PTPRD: variants seen among roughly 807,000 people sequenced by gnomAD.
PTPRD encodes receptor-type tyrosine-protein phosphatase delta.
A neutral mutation model predicts 214.5 loss-of-function variants in PTPRD; 34 were observed. The ratio of observed to expected loss-of-function variants is 0.16; its 90% CI spans 0.12 to 0.21. PTPRD has a LOEUF of 0.21. Ranked by LOEUF, PTPRD falls within the 10% of genes least tolerant of loss-of-function variation. The pLI, the probability that PTPRD is intolerant of heterozygous loss-of-function variation, is 1.00. For synonymous variants in PTPRD, 1,128 were observed against 845.7 expected, an observed-to-expected ratio of 1.33 and a Z score of -5.79; for missense variants, 2,545 against 2,398.7, an observed-to-expected ratio of 1.06 and a Z score of -1.27.
In PTPRD at chr9:9,725,599, C is replaced by T. The variant is rs116230387; in HGVS notation, c.-287+8934G>A. Among the ~76,000 whole-genome samples the T allele has an allele frequency of 4.6e-3, 696 of 152,190 alleles. 5 individuals carry two copies. The highest frequency in any genetic ancestry group is 0.016 in the African/African-American group (674 of 41,528). ...AAGTTGGTTCTCCTTATCTCCATTC[C>T]ATTTTTGTCTCATATTCTGGTTTCT... is the stretch of plus-strand genomic sequence containing the variant. On this transcript the variant is annotated intron_variant, in intron 7 of 45. Coordinates refer to ENST00000381196, the MANE Select transcript of PTPRD (RefSeq NM_002839.4).
intron 2 of PTPRD, among the ~76,000 whole-genome samples, chr9:10,512,036 A>ACG (rs1589797175): frequency 7.0e-5 from 9 of 129,426 alleles, no homozygotes; most frequent in African/African-American, 2.5e-4. Flanking sequence ...ATATGTATAT[A>ACG]TATATATACA....
chr9:10,319,979 C>T (rs1452767972), intron 3 of PTPRD, among the ~76,000 whole-genome samples: 1 of 151,984 alleles, frequency 6.6e-6, no homozygotes, highest in Non-Finnish European at 1.5e-5. Context: ...CACCAAATGT[C>T]ATTTCTCATG....
In PTPRD at chr9:9,901,118, G is replaced by A. The variant is rs139847134; in HGVS notation, c.-368+37389C>T. Among the ~76,000 whole-genome samples the A allele has an allele frequency of 3.0e-4, 46 of 152,222 alleles. No individual in the cohort carries two copies. In the East Asian group the frequency reaches 8.3e-3, roughly 28 times the overall value. ...TACAGTCATAGTGGAGAGCAAAGCAGGTGCCTGTGTATAACACGGCGAGAC... is the reference window on the plus strand; with the variant it reads ...TACAGTCATAGTGGAGAGCAAAGCAAGTGCCTGTGTATAACACGGCGAGAC... On this transcript the variant is annotated intron_variant, in intron 5 of 45. Coordinates refer to ENST00000381196, the MANE Select transcript of PTPRD (RefSeq NM_002839.4).
rs539698077 is a variant in PTPRD at position 9,681,994 on chromosome 9, C to G, written c.-287+52539G>C. On this transcript the variant is annotated intron_variant, in intron 7 of 45. Transcript: ENST00000381196. ...TAGGAAAGACATCACCTTGAACTTTCTCATCATTACCCACTCTCTTTCTCT... is the reference window on the plus strand; with the variant it reads ...TAGGAAAGACATCACCTTGAACTTTGTCATCATTACCCACTCTCTTTCTCT... 7.1e-4 allele frequency among the ~76,000 whole-genome samples: 108 copies of G among 151,896 alleles called. 3 individuals are homozygous for G. In the South Asian group the frequency reaches 0.018, roughly 26 times the overall value.
At chr9:8,759,610 C>A (rs58668770) in intron 11 of PTPRD, among the ~76,000 whole-genome samples, 9,365 of 123,176 alleles carry the variant, frequency 0.076, 789 homozygotes, top group African/African-American at 0.21. Flanking sequence ...GTTCCTGTTA[C>A]ATTTCTTTTT....
At chr9:8,939,566 A>T (rs574235847) in intron 11 of PTPRD, among the ~76,000 whole-genome samples, 1 of 33,228 alleles carries the variant, frequency 3.0e-5, no homozygotes, top group South Asian at 3.4e-3. Flanking sequence ...GTGTATGTTG[A>T]TATATACATA....
intron 10 of PTPRD, among the ~76,000 whole-genome samples, chr9:9,049,698 T>G (rs762648940): frequency 3.9e-5 from 6 of 152,168 alleles, no homozygotes; most frequent in Non-Finnish European, 5.9e-5. Flanking sequence ...GGAACTTACA[T>G]GCAGGCCCTA....
At chr9:9,873,539 T>C (rs1226366557) in intron 5 of PTPRD, among the ~76,000 whole-genome samples, 1 of 151,748 alleles carries the variant, frequency 6.6e-6, no homozygotes, top group Non-Finnish European at 1.5e-5. Flanking sequence ...TACCACAGAG[T>C]CCAAGGAGGA....
intron 8 of PTPRD, among the ~76,000 whole-genome samples, chr9:9,449,920 T>C (rs1389076166): frequency 6.6e-6 from 1 of 151,936 alleles, no homozygotes; most frequent in Non-Finnish European, 1.5e-5. Context: ...AAGTCCGTCA[T>C]ATCATTCTTA....
At chr9:8,343,483 A>G (rs1854481765) in intron 39 of PTPRD, among the ~76,000 whole-genome samples, 1 of 152,040 alleles carries the variant, frequency 6.6e-6, no homozygotes, top group African/African-American at 2.4e-5. Context: ...ATATAGAGCA[A>G]AGTCGGCCTG....
intron 3 of PTPRD, among the ~76,000 whole-genome samples, chr9:10,237,675 A>T (rs1448414713): frequency 6.6e-6 from 1 of 151,874 alleles, no homozygotes; most frequent in Non-Finnish European, 1.5e-5. Flanking sequence ...AGGTCTGCAA[A>T]TCTGTTTCAG....
At chr9:8,476,931 T>A (rs55663135) in intron 30 of PTPRD, among the ~76,000 whole-genome samples, 1 of 151,992 alleles carries the variant, frequency 6.6e-6, no homozygotes. Flanking sequence ...AAATAGAGTT[T>A]CTAGAAAATA....
chr9:10,600,601 T>C (rs1048973917), intron 2 of PTPRD, among the ~76,000 whole-genome samples: 1 of 151,292 alleles, frequency 6.6e-6, no homozygotes, highest in African/African-American at 2.4e-5. Flanking sequence ...CACTTCAGAG[T>C]TGGCAGGGGA....
chr9:9,412,056 A>T (rs1484061366), intron 8 of PTPRD, among the ~76,000 whole-genome samples: 1 of 152,220 alleles, frequency 6.6e-6, no homozygotes, highest in Admixed American at 6.5e-5. Flanking sequence ...TAGATGTCTG[A>T]GCCAGCAGAG....
intron 33 of PTPRD, among the ~76,000 whole-genome samples, chr9:8,453,696 T>A (rs1165130556): frequency 1.3e-5 from 2 of 152,292 alleles, no homozygotes; most frequent in East Asian, 3.9e-4. Context: ...CAAACTTTAG[T>A]ATGCATCAGC....
intron 11 of PTPRD, chr9:8,858,181 C>A (rs2097991193): frequency 6.4e-6 from 1 of 157,478 alleles, no homozygotes; most frequent in Admixed American, 6.5e-5. Context: ...CGTCTCCTCT[C>A]CTCCCTCCGC....
chr9:9,000,061 A>T lies in PTPRD; in HGVS notation c.-104+18636T>A, dbSNP rs190341595. Reference sequence around the variant, plus strand: ...TGTCCAAATGCTGCTTTTATGGGTAACTGGAGGCTCTGTGTGTAGCTTCAG... The same window carrying T: ...TGTCCAAATGCTGCTTTTATGGGTATCTGGAGGCTCTGTGTGTAGCTTCAG... On this transcript the variant is annotated intron_variant, in intron 11 of 45. Coordinates refer to ENST00000381196, the MANE Select transcript of PTPRD (RefSeq NM_002839.4). Among the ~76,000 whole-genome samples the T allele has an allele frequency of 6.6e-5, 10 of 152,116 alleles. No homozygotes were observed. The East Asian group carries it at 1.9e-3, about 30-fold the overall frequency.
chr9:9,968,138 T>C (rs1251162125), intron 4 of PTPRD, among the ~76,000 whole-genome samples: 1 of 152,168 alleles, frequency 6.6e-6, no homozygotes, highest in Non-Finnish European at 1.5e-5. Flanking sequence ...TATCACATTT[T>C]AAAGGGAACC....
intron 5 of PTPRD, among the ~76,000 whole-genome samples, chr9:9,839,524 T>C (rs929521693): frequency 5.3e-5 from 8 of 152,052 alleles, no homozygotes; most frequent in Non-Finnish European, 1.2e-4. Context: ...CAAGGAGAAC[T>C]ACAAACCACT....
Sources: allele counts gnomAD v4.1 joint callset (sites outside exome capture counted in the v4.1 genomes callset), GRCh38; gene constraint gnomAD v4.1.1; transcripts MANE v1.5; gene names NCBI Gene and HGNC (gene_info 2026-07-23, HGNC 2026-07-21).